FAT4: variants seen among roughly 807,000 people sequenced by gnomAD.
FAT4 encodes the protein FAT atypical cadherin 4.
In FAT4, 84 loss-of-function variants were observed where a neutral mutation model predicts 303.9. That is an observed-to-expected ratio of 0.28 (90% CI 0.23 to 0.33). FAT4 has a LOEUF of 0.33. Among genes scored for constraint, FAT4 ranks in the 10% least tolerant of loss-of-function variants. The pLI is 1.00. For synonymous variants in FAT4, 2,307 were observed against 2,298.8 expected (o/e 1.00, Z -0.10); for missense variants, 6,005 against 6,146.8 (o/e 0.98, Z 0.77).
chr4:125,422,545 T>C (rs1309096369), intron 7 of FAT4, among the ~76,000 whole-genome samples: 3 of 152,306 alleles, frequency 2.0e-5, no homozygotes, highest in Non-Finnish European at 2.9e-5. Context: ...CCTGCCACCA[T>C]GTGAAGAAAG....
intron 4 of FAT4, among the ~76,000 whole-genome samples, chr4:125,407,439 C>A (rs970491731): frequency 6.6e-6 from 1 of 150,384 alleles, no homozygotes; most frequent in African/African-American, 2.5e-5. Flanking sequence ...GCTTTAAAAA[C>A]GTCTAATGTG....
chr4:125,355,020 A>G (rs1410596686), intron 2 of FAT4, among the ~76,000 whole-genome samples: 4 of 151,860 alleles, frequency 2.6e-5, no homozygotes, highest in Non-Finnish European at 2.9e-5. Context: ...AGACATGAAT[A>G]TAGAGAAATT....
At chr4:125,382,590 T>C (rs1258143161) in intron 2 of FAT4, among the ~76,000 whole-genome samples, 1 of 152,154 alleles carries the variant, frequency 6.6e-6, no homozygotes, top group Admixed American at 6.5e-5. Context: ...AGCATACTTC[T>C]GTGGGGCTTC....
intron 2 of FAT4, among the ~76,000 whole-genome samples, chr4:125,346,019 C>T (rs983605980): frequency 9.2e-5 from 14 of 152,042 alleles, no homozygotes; most frequent in African/African-American, 3.4e-4. Flanking sequence ...GGTCATTAGA[C>T]TTTGAGAATT....
chr4:125,450,123 A>T lies in FAT4; in HGVS notation c.9113A>T (p.Asn3038Ile). The T allele has an allele frequency of 1.2e-6, 2 of 1,613,824 alleles. No individual in the cohort carries two copies. The highest frequency in any genetic ancestry group is 4.5e-5 in the East Asian group (2 of 44,868). Residue 3038 changes from asparagine to isoleucine, a missense_variant, in exon 10 of 18, where the codon AAT becomes ATT. Physicochemically the swap from Asn to Ile is moderately radical, Grantham distance 149. Transcript: ENST00000394329. Reference protein sequence around the residue: ...DNHLGKFKLDNDTGWISVASS... With the variant: ...DNHLGKFKLDIDTGWISVASS... ...CATTTAGGAAAATTTAAGTTGGACA[A>T]TGATACGGGGTGGATTTCAGTAGCA...
chr4:125,466,921 C>G (rs1317951283), intron 11 of FAT4, among the ~76,000 whole-genome samples: 3 of 151,846 alleles, frequency 2.0e-5, no homozygotes, highest in Non-Finnish European at 2.9e-5. Flanking sequence ...ACTGCAGGTG[C>G]CTGCCACCAT....
Position 125,468,770 on chromosome 4 carries a change from A to T in FAT4, c.12164A>T (p.Lys4055Met). 9 of 1,614,002 alleles carry T rather than the reference A, an allele frequency of 5.6e-6. No individual in the cohort carries two copies. The highest frequency in any genetic ancestry group is 7.6e-6 in the Non-Finnish European group (9 of 1,179,894). Residue 4055 changes from lysine to methionine, a missense_variant, in exon 12 of 18, where the codon AAG (lysine) becomes ATG (methionine). Physicochemically the swap from Lys to Met is moderately conservative, Grantham distance 95. Transcript: ENST00000394329. The stretch of plus-strand genomic sequence containing the variant: ...ACATATAAGCTCACCACCATGAAGA[A>T]GGTGTCAGATGGACATTTTCACACT... ...SGTYKLTTMK[K>M]VSDGHFHTVI...
intron 2 of FAT4, among the ~76,000 whole-genome samples, chr4:125,387,695 A>G (rs1733807592): frequency 6.6e-6 from 1 of 152,186 alleles, no homozygotes; most frequent in South Asian, 2.1e-4. Context: ...TATATAGGGT[A>G]GGAAAAGGTA....
chr4:125,343,710 A>C (rs1297490762), intron 2 of FAT4, among the ~76,000 whole-genome samples: 1 of 152,192 alleles, frequency 6.6e-6, no homozygotes, highest in Non-Finnish European at 1.5e-5. Context: ...ACAGAATAAA[A>C]GAAATACAGT....
chr4:125,353,514 C>A (rs2125979988), intron 2 of FAT4, among the ~76,000 whole-genome samples: 1 of 151,484 alleles, frequency 6.6e-6, no homozygotes, highest in African/African-American at 2.4e-5. Flanking sequence ...GTTTAGTATT[C>A]TTTGTCAATC....
intron 2 of FAT4, among the ~76,000 whole-genome samples, chr4:125,376,563 C>T (rs1296766295): frequency 1.3e-5 from 2 of 152,016 alleles, no homozygotes; most frequent in African/African-American, 2.4e-5. Context: ...CAAACCTGCA[C>T]GTTGTGCACG....
At chr4:125,328,022 A>G (rs533211806) in intron 2 of FAT4, among the ~76,000 whole-genome samples, 1 of 152,304 alleles carries the variant, frequency 6.6e-6, no homozygotes, top group East Asian at 1.9e-4. Flanking sequence ...AAAACCCATA[A>G]AAGTAGGTGG....
chr4:125,428,678 G>A (rs1033226050), intron 7 of FAT4, among the ~76,000 whole-genome samples: 2 of 152,042 alleles, frequency 1.3e-5, no homozygotes, highest in Non-Finnish European at 2.9e-5. Context: ...GAATACATAT[G>A]TGCATACATA....
chr4:125,402,700 A>C (rs1509301), intron 3 of FAT4, among the ~76,000 whole-genome samples: 150,271 of 152,014 alleles, frequency 0.99, 74,294 homozygotes, highest in East Asian at 1. Flanking sequence ...AATGTATGTA[A>C]GCTATGATGG....
At chr4:125,472,955 G>C (rs1726913681) in intron 12 of FAT4, among the ~76,000 whole-genome samples, 1 of 152,140 alleles carries the variant, frequency 6.6e-6, no homozygotes, top group East Asian at 1.9e-4. Flanking sequence ...AATCATTTTA[G>C]TTATAGATGG....
chr4:125,474,505 C>G (rs2126081582), intron 12 of FAT4, among the ~76,000 whole-genome samples: 1 of 151,736 alleles, frequency 6.6e-6, no homozygotes, highest in Admixed American at 6.6e-5. Flanking sequence ...TAAATTTTTC[C>G]TACAAATGTT....
Position 125,487,539 on chromosome 4 carries a change from C to T in FAT4, c.13017C>T (p.Gly4339=), listed in dbSNP as rs1223301558. Residue 4339 remains glycine (G), a synonymous_variant, in exon 17 of 18, where the codon GGC becomes GGT. Coordinates refer to ENST00000394329, the MANE Select transcript of FAT4 (RefSeq NM_001291303.3). ...TCCACCCTACTCAGGACTTCGGTGG[C>T]CTTGATGTGCTTACTATATCACTTG... The part of the protein sequence containing the change: ...DIIHPTQDFG[G]LDVLTISLGG... 1 of 1,613,762 alleles carries T rather than the reference C, an allele frequency of 6.2e-7. No individual in the cohort carries two copies. Among genetic ancestry groups the T allele is most frequent in the Admixed American group, 1.7e-5 (1 of 60,004 alleles).
intron 2 of FAT4, among the ~76,000 whole-genome samples, chr4:125,338,360 G>T (rs1323052911): frequency 2.0e-5 from 3 of 152,136 alleles, no homozygotes; most frequent in Admixed American, 6.5e-5. Flanking sequence ...TGTTAACTAG[G>T]ACCTTGTTCT....
chr4:125,438,816 G>GTCT (rs1725547069), intron 8 of FAT4, among the ~76,000 whole-genome samples: 1 of 152,104 alleles, frequency 6.6e-6, no homozygotes, highest in African/African-American at 2.4e-5. Flanking sequence ...GTATCCTGAA[G>GTCT]AAAATCTATT....
Sources: allele counts gnomAD v4.1 joint callset (sites outside exome capture counted in the v4.1 genomes callset), GRCh38; gene constraint gnomAD v4.1.1; transcripts MANE v1.5; gene names NCBI Gene and HGNC (gene_info 2026-07-23, HGNC 2026-07-21).